NXPE1: variants seen among roughly 807,000 people sequenced by gnomAD.
The protein encoded by NXPE1 is NXPE family member 1.
Under a neutral mutation model 33.3 loss-of-function variants are expected in NXPE1, and 31 were observed. The observed-to-expected ratio is 0.93, with a 90% confidence interval of 0.70 to 1.26. The LOEUF (loss-of-function observed/expected upper bound fraction) is 1.26. Among genes scored for constraint, NXPE1 ranks in the 50% most tolerant of loss-of-function variants. The pLI, the probability that NXPE1 is intolerant of heterozygous loss-of-function variation, is 0.00. For synonymous variants in NXPE1, 229 were observed against 231.4 expected (o/e 0.99, Z 0.09); for missense variants, 661 against 655.6 (o/e 1.01, Z -0.09).
At chr11:114,552,779 T>C in intron 2 of NXPE1, 73 bp downstream of exon 2, 1 of 642,714 alleles carries the variant, frequency 1.6e-6, no homozygotes, top group Non-Finnish European at 1.9e-6. Context: ...CTATTGCACT[T>C]TTATAAATCT....
At chr11:114,536,454 GA>G (rs1312105205) in intron 5 of NXPE1, among the ~76,000 whole-genome samples, 1 of 152,128 alleles carries the variant, frequency 6.6e-6, no homozygotes, top group Non-Finnish European at 1.5e-5. Context: ...GAAGGAAATA[GA>G]GACAAAAAAC....
At chr11:114,531,105 G>A (rs1313366867) in intron 5 of NXPE1, among the ~76,000 whole-genome samples, 197 bp from the exon 6 acceptor site, 1 of 151,340 alleles carries the variant, frequency 6.6e-6, no homozygotes, top group Non-Finnish European at 1.5e-5. Context: ...TTATGATGAT[G>A]ATATAATATT....
intron 1 of NXPE1, among the ~76,000 whole-genome samples, chr11:114,557,653 A>G (rs1486718200): frequency 9.7e-5 from 6 of 62,084 alleles, no homozygotes; most frequent in Non-Finnish European, 2.0e-4. Flanking sequence ...ATATATATAT[A>G]TATATATATA....
At chr11:114,535,874 G>A (rs1347340167) in intron 5 of NXPE1, among the ~76,000 whole-genome samples, 2 of 152,096 alleles carry the variant, frequency 1.3e-5, no homozygotes, top group Non-Finnish European at 2.9e-5. Context: ...ACAGATCAAC[G>A]AGACAGAAAG....
At chr11:114,519,355 G>T (rs918455913), downstream of NXPE1, among the ~76,000 whole-genome samples, 2 of 152,042 alleles carry the variant, frequency 1.3e-5, no homozygotes, top group East Asian at 3.9e-4. Context: ...GTAGATTCTG[G>T]AGCTTTCTAA....
At chr11:114,540,435 C>T (rs1290432711) in intron 5 of NXPE1, among the ~76,000 whole-genome samples, 1 of 152,114 alleles carries the variant, frequency 6.6e-6, no homozygotes, top group Non-Finnish European at 1.5e-5. Context: ...CAAACACTAA[C>T]TCATAACTAT....
intron 7 of NXPE1, chr11:114,526,364 A>G (rs1241236654): frequency 6.6e-6 from 1 of 152,154 alleles, no homozygotes; most frequent in Non-Finnish European, 1.5e-5. Context: ...TTTAAATATA[A>G]AATCATCCCA....
chr11:114,553,875 T>A, intron 1 of NXPE1: 1 of 968,434 alleles, frequency 1.0e-6, no homozygotes, highest in Non-Finnish European at 1.2e-6. Context: ...TAGGCCATGA[T>A]GGGTACATTT....
chr11:114,546,082 A>T (rs1948272817), intron 5 of NXPE1, among the ~76,000 whole-genome samples: 1 of 152,230 alleles, frequency 6.6e-6, no homozygotes, highest in Non-Finnish European at 1.5e-5. Flanking sequence ...TTACAAATTT[A>T]ACTGTATTAC....
intron 5 of NXPE1, among the ~76,000 whole-genome samples, chr11:114,538,878 A>G (rs1022169108): frequency 2.0e-5 from 3 of 152,174 alleles, no homozygotes; most frequent in Admixed American, 6.5e-5. Flanking sequence ...CAGTGTGGTG[A>G]TTCCTCAGGG....
chr11:114,546,654 T>C (rs1948295087), intron 5 of NXPE1, among the ~76,000 whole-genome samples: 1 of 151,940 alleles, frequency 6.6e-6, no homozygotes, highest in Non-Finnish European at 1.5e-5. Flanking sequence ...GACACCCCAA[T>C]AGTAACAAAC....
exon 8 of NXPE1, chr11:114,523,070 G>A (rs1314426872): frequency 7.4e-6 from 12 of 1,613,044 alleles, no homozygotes; most frequent in South Asian, 1.1e-5. Flanking sequence ...AACTTGGCAT[G>A]TCTCTTCTAT....
intron 3 of NXPE1, 83 bp from the exon 4 acceptor site, chr11:114,551,524 G>A (rs1307475145): frequency 3.5e-6 from 2 of 566,338 alleles, no homozygotes; most frequent in Admixed American, 5.7e-5. Flanking sequence ...CAATTACAAT[G>A]AGAAGCAGAA....
chr11:114,559,456 A>G (rs1437642579), intron 1 of NXPE1, among the ~76,000 whole-genome samples: 3 of 152,120 alleles, frequency 2.0e-5, no homozygotes, highest in East Asian at 1.9e-4. Context: ...CCTCTCTCCA[A>G]CTAGATGTTA....
intron 1 of NXPE1, among the ~76,000 whole-genome samples, chr11:114,556,230 G>A (rs1190078698): frequency 6.6e-6 from 1 of 152,074 alleles, no homozygotes; most frequent in Non-Finnish European, 1.5e-5. Context: ...CTTTAAGGTG[G>A]GTCTTGAAAA....
At chr11:114,526,811 T>A (rs6589433) in intron 7 of NXPE1, 1 of 152,080 alleles carries the variant, frequency 6.6e-6, no homozygotes, top group African/African-American at 2.4e-5. Flanking sequence ...CATGCAATAT[T>A]TTCCCCTTTT....
intron 7 of NXPE1, chr11:114,526,789 G>A (rs1262664531): frequency 1.3e-5 from 2 of 152,146 alleles, no homozygotes; most frequent in African/African-American, 4.8e-5. Context: ...ATTTTTTAGT[G>A]TAAGTATGGT....
chr11:114,550,622 TAAG>T (rs928584179), intron 5 of NXPE1, among the ~76,000 whole-genome samples: 3 of 152,128 alleles, frequency 2.0e-5, no homozygotes, highest in Non-Finnish European at 4.4e-5. Flanking sequence ...AGTAAAAAAA[TAAG>T]AAAACATGGA....
chr11:114,531,584 T>C (rs1947586712), intron 5 of NXPE1, among the ~76,000 whole-genome samples: 1 of 152,174 alleles, frequency 6.6e-6, no homozygotes, highest in Admixed American at 6.5e-5. Flanking sequence ...TTGGGTAAAA[T>C]CCATTTGTAA....
Sources: gnomAD v4.1 joint callset for allele counts (sites outside exome capture counted in the v4.1 genomes callset) on GRCh38, gnomAD v4.1.1 for gene constraint, MANE v1.5 for transcripts, NCBI Gene and HGNC (gene_info 2026-07-23, HGNC 2026-07-21) for gene names.